The following PRMT9 variants were observed in gnomAD, a reference collection of about 807,000 sequenced individuals.
PRMT9 encodes the protein protein arginine N-methyltransferase 9.
PRMT9 carries 59 observed loss-of-function variants against 83.2 expected under a neutral mutation model. The observed-to-expected ratio is 0.71, with a 90% CI of 0.57 to 0.88. The LOEUF is 0.88. PRMT9 is among the 40% of genes least tolerant of loss of function. PRMT9 has a pLI of 0.00. For synonymous variants in PRMT9, 333 were observed against 353.2 expected (o/e 0.94, Z 0.64); for missense variants, 947 against 1,021.9 (o/e 0.93, Z 1.00).
At chr4:147,661,382 A>C (rs1273223418) in intron 6 of PRMT9, 2 of 207,446 alleles carry the variant, frequency 9.6e-6, no homozygotes, top group African/African-American at 2.3e-5. Context: ...CATATCAATA[A>C]AAAACAAAAA....
chr4:147,653,451 A>G (rs973967012), intron 9 of PRMT9, among the ~76,000 whole-genome samples: 4 of 130,168 alleles, frequency 3.1e-5, no homozygotes, highest in African/African-American at 1.5e-4. Context: ...TTAAAAAAAA[A>G]AAATATATAT....
At chr4:147,665,755 C>A (rs1735284830) in intron 6 of PRMT9, among the ~76,000 whole-genome samples, 1 of 152,170 alleles carries the variant, frequency 6.6e-6, no homozygotes, top group South Asian at 2.1e-4. Flanking sequence ...CCATAAACTT[C>A]CTTCCTTGTC....
intron 5 of PRMT9, 85 bp from the exon 6 acceptor site, chr4:147,668,730 A>T (rs1735526370): frequency 3.7e-6 from 3 of 820,260 alleles, no homozygotes; most frequent in African/African-American, 1.7e-5. Context: ...AATATAATTT[A>T]AAAAACCTAA....
chr4:147,653,716 T>G lies in PRMT9; in HGVS notation c.2045+136A>C. 4.4e-6 allele frequency: 3 copies of G among 684,092 alleles called. No individual in the cohort carries two copies. In the Admixed American group the frequency reaches 8.2e-5, roughly 19 times the overall value. 42.4% of individuals were successfully genotyped at this position (684,092 alleles called of 1,614,324 possible). On this transcript the variant is annotated intron_variant, in intron 9 of 11. Coordinates refer to ENST00000322396, the MANE Select transcript of PRMT9 (RefSeq NM_138364.4). ...TAGCAGCAAATGAAGTCACACGTCC[T>G]GAAAAGTAATGCTTGAGGAGCATAC...
At position 147,654,351 on chromosome 4, in the gene PRMT9, G is replaced by C; in HGVS notation, c.1546C>G (p.Gln516Glu). Residue 516 changes from glutamine to glutamate, a missense_variant, in exon 9 of 12, where the codon CAG becomes GAG. Coordinates refer to ENST00000322396, the MANE Select transcript of PRMT9 (RefSeq NM_138364.4). ...TCTGTAGATTCCAATATACATGTCT[G>C]CTCTACAGCATCTGGTTTACTGGTC... ...LQTSKPDAVEQTCILESTEIA... is the reference protein window; with the variant it reads ...LQTSKPDAVEETCILESTEIA... 6.2e-7 allele frequency: 1 copy of C among 1,614,072 alleles called. No individual in the cohort carries two copies. The highest frequency in any genetic ancestry group is 8.5e-7 in the Non-Finnish European group (1 of 1,179,938).
chr4:147,650,876 G>A (rs1734050797), intron 9 of PRMT9, among the ~76,000 whole-genome samples: 1 of 152,222 alleles, frequency 6.6e-6, no homozygotes, highest in Non-Finnish European at 1.5e-5. Flanking sequence ...GCCAAGGCGG[G>A]CAGATCACAA....
chr4:147,661,789 CAAAAAAA>C (rs70958573), intron 6 of PRMT9, among the ~76,000 whole-genome samples: 1 of 60,226 alleles, frequency 1.7e-5, no homozygotes, highest in Non-Finnish European at 2.7e-5. Context: ...GACTCCATCT[CAAAAAAA>C]AAAAAAAAAA....
chr4:147,649,823 C>A (rs1456000087), intron 9 of PRMT9, among the ~76,000 whole-genome samples: 1 of 152,090 alleles, frequency 6.6e-6, no homozygotes. Flanking sequence ...CATTTAAAAA[C>A]AACTGCAGGC....
chr4:147,638,552 T>C lies in PRMT9; in HGVS notation c.2518A>G (p.Ser840Gly), dbSNP rs750409187. The C allele has an allele frequency of 5.8e-5, 93 of 1,613,560 alleles. No homozygotes were observed. Among genetic ancestry groups the C allele is most frequent in the Non-Finnish European group, 7.6e-5 (90 of 1,179,674 alleles). The change falls in exon 12 of 12, where the codon AGC (serine) becomes GGC (glycine). Residue 840 changes from serine (S) to glycine (G), a missense_variant. Physicochemically the swap from Ser to Gly is moderately conservative, Grantham distance 56. Coordinates refer to ENST00000322396, the MANE Select transcript of PRMT9 (RefSeq NM_138364.4). ...GCTCTTCATTGCTTTACTGTGATGC[T>C]GACATTGCTTTTGTGATGCTGAATG... ...LSIQHHKSNV[S>G]ITVKQ is the part of the protein sequence containing the mutation.
intron 9 of PRMT9, among the ~76,000 whole-genome samples, chr4:147,643,981 T>C (rs764333242): frequency 6.6e-6 from 1 of 152,180 alleles, no homozygotes. Flanking sequence ...AAATGGAATA[T>C]ATGATCCTGG....
intron 9 of PRMT9, among the ~76,000 whole-genome samples, chr4:147,647,683 CAGCT>C (rs923708279): frequency 6.6e-6 from 1 of 152,082 alleles, no homozygotes; most frequent in Non-Finnish European, 1.5e-5. Context: ...TCACCATTCC[CAGCT>C]AATTTTTGTA....
intron 11 of PRMT9, 100 bp downstream of exon 11, chr4:147,638,860 A>T (rs1178342174): frequency 1.4e-6 from 2 of 1,388,702 alleles, no homozygotes; most frequent in Non-Finnish European, 2.0e-6. Flanking sequence ...ACTAGATTTA[A>T]ATCTTTAAAG....
At chr4:147,679,543 T>C (rs992616206) in intron 2 of PRMT9, among the ~76,000 whole-genome samples, 1 of 151,292 alleles carries the variant, frequency 6.6e-6, no homozygotes, top group African/African-American at 2.4e-5. Context: ...AGGTCAGGAG[T>C]TCGAGACCAG....
chr4:147,668,339 G>GTC (rs138103738), intron 6 of PRMT9, among the ~76,000 whole-genome samples, 200 bp downstream of exon 6: 6,913 of 150,644 alleles, frequency 0.046, 208 homozygotes, highest in Non-Finnish European at 0.066. Context: ...GTCTCGTGCT[G>GTC]TCTCTCTCTC....
At chr4:147,657,417 C>G (rs929087256) in intron 8 of PRMT9, among the ~76,000 whole-genome samples, 26 of 151,712 alleles carry the variant, frequency 1.7e-4, no homozygotes, top group Non-Finnish European at 3.8e-4. Context: ...CTCAGCTACT[C>G]GGAAGGCTGA....
intron 10 of PRMT9, among the ~76,000 whole-genome samples, chr4:147,641,281 T>G (rs1733381360): frequency 6.6e-6 from 1 of 152,074 alleles, no homozygotes; most frequent in Admixed American, 6.6e-5. Flanking sequence ...GGCCAGAAGG[T>G]CAACATCTGG....
intron 7 of PRMT9, 70 bp from the exon 8 acceptor site, chr4:147,658,045 T>A (rs1734660626): frequency 3.7e-6 from 4 of 1,088,524 alleles, no homozygotes; most frequent in Non-Finnish European, 5.5e-6. Flanking sequence ...TATCTTACCA[T>A]TTTCCATCTC....
chr4:147,639,204 G>T, intron 10 of PRMT9, 122 bp from the exon 11 acceptor site: 1 of 955,086 alleles, frequency 1.0e-6, no homozygotes, highest in Non-Finnish European at 1.6e-6. Context: ...AATAGTACTT[G>T]ACAGAATGCT....
intron 11 of PRMT9, 41 bp from the exon 12 acceptor site, chr4:147,638,788 G>C (rs373065313): frequency 1.0e-4 from 150 of 1,467,084 alleles, no homozygotes; most frequent in Non-Finnish European, 1.3e-4. Context: ...AGAGTGCATA[G>C]AGTAGACTTA....
Sources: allele counts gnomAD v4.1 joint callset (sites outside exome capture counted in the v4.1 genomes callset), GRCh38; gene constraint gnomAD v4.1.1; transcripts MANE v1.5; gene names NCBI Gene and HGNC (gene_info 2026-07-23, HGNC 2026-07-21).